Variants in MAB21L1 observed in about 807,000 individuals in gnomAD.
MAB21L1 encodes putative nucleotidyltransferase MAB21L1.
Under a neutral mutation model 28.9 loss-of-function variants are expected in MAB21L1, and 8 were observed. The ratio of observed to expected loss-of-function variants is 0.28; its 90% CI spans 0.16 to 0.50. MAB21L1 has a LOEUF of 0.50. Among genes scored for constraint, MAB21L1 ranks in the 20% least tolerant of loss-of-function variants. The pLI is 0.98. For missense variants in MAB21L1, 388 were observed against 466.5 expected (o/e 0.83, Z 1.55); for synonymous variants, 219 against 198.2 (o/e 1.10, Z -0.88).
chr13:35,475,345 G>C lies in MAB21L1; in HGVS notation c.794C>G (p.Pro265Arg). The change falls in exon 1 of 1, where the codon CCG (proline) becomes CGG (arginine). Residue 265 changes from proline (P) to arginine (R), a missense_variant. By Grantham distance (103) the Pro-to-Arg change is moderately radical. This residue lies in a region of MAB21L1 where 218 missense variants were observed against 220.6 expected (regional missense o/e 0.99). Transcript: ENST00000379919. The part of the protein sequence containing the change: ...KTLRDRHLEL[P>R]GQPLNNYHMK... ...ATGGTAATTGTTCAAGGGCTGGCCC[G>C]GCAGTTCAAGGTGACGATCCCTTAA... is the stretch of plus-strand genomic sequence containing the variant. 6.2e-7 allele frequency: 1 copy of C among 1,613,964 alleles called. No homozygotes were observed. Among genetic ancestry groups the C allele is most frequent in the Non-Finnish European group, 8.5e-7 (1 of 1,179,994 alleles).
Position 35,474,902 on chromosome 13 carries a change from G to T in MAB21L1, c.*157C>A, listed in dbSNP as rs754812077. On this transcript the variant is annotated 3_prime_UTR_variant, in exon 1 of 1. Coordinates refer to ENST00000379919, the MANE Select transcript of MAB21L1 (RefSeq NM_005584.5). ...CCCCTACTTTTTCTCCCCTTGTGGG[G>T]GTGGGTGAGATGATGTTTAAATATT... is the stretch of plus-strand genomic sequence containing the variant. 22 of 918,172 alleles carry T rather than the reference G, an allele frequency of 2.4e-5. No homozygotes were observed. Among genetic ancestry groups the T allele is most frequent in the Non-Finnish European group, 3.4e-5 (21 of 620,350 alleles). The allele number at this position is 918,172 out of a possible 1,614,324, so 56.9% of individuals were successfully genotyped here.
At position 35,474,322 on chromosome 13, in the gene MAB21L1, G is replaced by T. The variant is rs1295128561; in HGVS notation, c.*737C>A. 1 of 152,496 alleles carries T rather than the reference G, an allele frequency of 6.6e-6. No homozygotes were observed. The highest frequency in any genetic ancestry group is 6.5e-5 in the Admixed American group (1 of 15,274). 9.4% of individuals were successfully genotyped at this position (152,496 alleles called of 1,614,324 possible). ...GTGCATTTTTCAAATATATAATTCAGATATTCAAGCGTTATTATATAAGCT... is the reference window on the plus strand; with the variant it reads ...GTGCATTTTTCAAATATATAATTCATATATTCAAGCGTTATTATATAAGCT... On this transcript the variant is annotated 3_prime_UTR_variant, in exon 1 of 1. Transcript: ENST00000379919.
Position 35,476,333 on chromosome 13 carries a change from C to T in MAB21L1, c.-195G>A, listed in dbSNP as rs1335833851. ...GCTGCTGCTGCTGCTGCTGCTGCTG[C>T]TGCTGCTGCTGCTGCTGCTGCTTTT... On this transcript the variant is annotated 5_prime_UTR_variant, in exon 1 of 1. Coordinates refer to ENST00000379919, the MANE Select transcript of MAB21L1 (RefSeq NM_005584.5). The T allele has an allele frequency of 8.1e-7, 1 of 1,229,386 alleles. No individual in the cohort carries two copies. The highest frequency in any genetic ancestry group is 1.2e-6 in the Non-Finnish European group (1 of 862,048). The allele number at this position is 1,229,386 out of a possible 1,614,324, so 76.2% of individuals were successfully genotyped here.
chr13:35,474,458 AC>A lies in MAB21L1; in HGVS notation c.*600del, dbSNP rs2152960211. 1 of 152,820 alleles carries A rather than the reference AC, an allele frequency of 6.5e-6. No homozygotes were observed. Among genetic ancestry groups the A allele is most frequent in the African/African-American group, 2.4e-5 (1 of 41,594 alleles). 9.5% of individuals were successfully genotyped at this position (152,820 alleles called of 1,614,324 possible). A position where few individuals can be genotyped will look rare whatever the true frequency, so the allele number is the denominator to read the frequency against. ...AAAATGTAAACTTTTTAAAGTTCAG[AC>A]ACTTTCAAAGACAGATAAAAGTACC... is the stretch of plus-strand genomic sequence containing the variant. On this transcript the variant is annotated 3_prime_UTR_variant, in exon 1 of 1. Coordinates refer to ENST00000379919, the MANE Select transcript of MAB21L1 (RefSeq NM_005584.5).
chr13:35,475,082 G>T lies in MAB21L1; in HGVS notation c.1057C>A (p.Pro353Thr). Residue 353 changes from proline (P) to threonine (T), a missense_variant, in exon 1 of 1, where the codon CCG (proline) becomes ACG (threonine). Physicochemically the swap from Pro to Thr is conservative, Grantham distance 38 (BLOSUM62 -1). This residue lies in a region of MAB21L1 where 218 missense variants were observed against 220.6 expected (regional missense o/e 0.99). Transcript: ENST00000379919. ...CTCTAAAGTTTTTCCAAACTTTTCG[G>T]GTTGGTCAGGATCTCTCTTGCCAGT... ...WRLAREILTNPKSLEKL is the reference protein window; with the variant it reads ...WRLAREILTNTKSLEKL The T allele has an allele frequency of 6.2e-7, 1 of 1,612,878 alleles. No individual in the cohort carries two copies. Among genetic ancestry groups the T allele is most frequent in the Non-Finnish European group, 8.5e-7 (1 of 1,179,316 alleles).
Position 35,475,460 on chromosome 13 carries a change from T to C in MAB21L1, c.679A>G (p.Ser227Gly), listed in dbSNP as rs1463841456. The change falls in exon 1 of 1, where the codon AGC (serine) becomes GGC (glycine). Residue 227 changes from serine to glycine, a missense_variant. This residue lies in a region of MAB21L1 where 218 missense variants were observed against 220.6 expected (regional missense o/e 0.99). Transcript: ENST00000379919. ...SLAGKQSSAE[S>G]DAWVLQFAEA... The stretch of plus-strand genomic sequence containing the variant: ...GCGAACTGCAGCACCCAGGCGTCGC[T>C]CTCCGCCGAGCTCTGCTTGCCGGCC... The C allele has an allele frequency of 6.2e-7, 1 of 1,612,160 alleles. No homozygotes were observed. Among genetic ancestry groups the C allele is most frequent in the Non-Finnish European group, 8.5e-7 (1 of 1,179,792 alleles).
rs754543999 is a variant in MAB21L1 at position 35,475,184 on chromosome 13, A to C, written c.955T>G (p.Tyr319Asp). ...AACAGATCTAAGTTCGGTAGAAAGT[A>C]GTGGGGACACCGCCGGCACTGCAGG... is the stretch of plus-strand genomic sequence containing the variant. The part of the protein sequence containing the change: ...SCLQCRRCPH[Y>D]FLPNLDLFQG... Residue 319 changes from tyrosine (Y) to aspartate (D), a missense_variant, in exon 1 of 1, where the codon TAC (tyrosine) becomes GAC (aspartate). Physicochemically the swap from Tyr to Asp is radical, Grantham distance 160 (BLOSUM62 -3). Around this residue, in one of 3 missense-constraint regions of MAB21L1, gnomAD observed 218 missense variants for 220.6 expected, o/e 0.99. Transcript: ENST00000379919. 6.2e-7 allele frequency: 1 copy of C among 1,614,054 alleles called. No homozygotes were observed. Among genetic ancestry groups the C allele is most frequent in the Non-Finnish European group, 8.5e-7 (1 of 1,180,018 alleles).
rs1056127463 is a variant in MAB21L1 at position 35,475,785 on chromosome 13, G to A, written c.354C>T (p.Thr118=). Reference sequence around the variant, plus strand: ...TGCGCGCCGAGAGGTAGCCGGAGGCGGTAATGAATTCCACCCAGAGGGACA... The same window carrying A: ...TGCGCGCCGAGAGGTAGCCGGAGGCAGTAATGAATTCCACCCAGAGGGACA... ...RSMSLWVEFI[T]ASGYLSARKI... Residue 118 remains threonine (T), a synonymous_variant, in exon 1 of 1, where the codon ACC becomes ACT. Coordinates refer to ENST00000379919, the MANE Select transcript of MAB21L1 (RefSeq NM_005584.5). 25 of 1,613,750 alleles carry A rather than the reference G, an allele frequency of 1.5e-5. No homozygotes were observed. In the Admixed American group the frequency reaches 1.8e-4, roughly 12 times the overall value.
In MAB21L1 at chr13:35,474,043, C is replaced by A. The variant is rs2075761932; in HGVS notation, c.*1016G>T. ...TTAGAGACTGAGAGTAGATTGTTAT[C>A]TTATGGACCTATACAGAAAGAGCTT... is the stretch of plus-strand genomic sequence containing the variant. On this transcript the variant is annotated 3_prime_UTR_variant, in exon 1 of 1. Transcript: ENST00000379919. 6.6e-6 allele frequency: 1 copy of A among 152,014 alleles called. No homozygotes were observed. The highest frequency in any genetic ancestry group is 2.1e-4 in the South Asian group (1 of 4,808). The allele number at this position is 152,014 out of a possible 1,614,324, so 9.4% of individuals were successfully genotyped here. A position where few individuals can be genotyped will look rare whatever the true frequency, so the allele number is the denominator to read the frequency against.
rs1594754181 is a variant in MAB21L1, at chr13:35,474,092, G to A, written c.*967C>T. ...TTTTCTCCAATGTTTTATTTTTAAGGATTTCATTAGCATATTTCTCAAAAT... is the reference window on the plus strand; with the variant it reads ...TTTTCTCCAATGTTTTATTTTTAAGAATTTCATTAGCATATTTCTCAAAAT... On this transcript the variant is annotated 3_prime_UTR_variant, in exon 1 of 1. Coordinates refer to ENST00000379919, the MANE Select transcript of MAB21L1 (RefSeq NM_005584.5). 1 of 152,204 alleles carries A rather than the reference G, an allele frequency of 6.6e-6. No individual in the cohort carries two copies. The allele number at this position is 152,204 out of a possible 1,614,324, so 9.4% of individuals were successfully genotyped here.
Position 35,475,061 on chromosome 13 carries a change from A to G in MAB21L1, c.1078T>C (p.Ter360GlnextTer4), listed in dbSNP as rs1355089267. ...TCGGCTCTTGATTAAATCATCCTCTAAAGTTTTTCCAAACTTTTCGGGTTG... is the reference window on the plus strand; with the variant it reads ...TCGGCTCTTGATTAAATCATCCTCTGAAGTTTTTCCAAACTTTTCGGGTTG... Reference protein sequence around the residue: ...LTNPKSLEKL* With the variant: ...LTNPKSLEKLQ The change falls in exon 1 of 1, where the codon TAG becomes CAG. Residue 360 changes from the stop codon to glutamine, a stop_lost. Transcript: ENST00000379919. The G allele has an allele frequency of 1.9e-6, 3 of 1,611,198 alleles. No individual in the cohort carries two copies. The highest frequency in any genetic ancestry group is 1.7e-5 in the Admixed American group (1 of 59,722).
In MAB21L1 at chr13:35,474,449, A is replaced by C. The variant is rs188517921; in HGVS notation, c.*610T>G. The C allele has an allele frequency of 1.8e-4, 28 of 152,814 alleles. No individual in the cohort carries two copies. The highest frequency in any genetic ancestry group is 3.3e-4 in the Admixed American group (5 of 15,310). The allele number at this position is 152,814 out of a possible 1,614,324, so 9.5% of individuals were successfully genotyped here. ...ATTTGAAACAAAATGTAAACTTTTT[A>C]AAGTTCAGACACTTTCAAAGACAGA... On this transcript the variant is annotated 3_prime_UTR_variant, in exon 1 of 1. Transcript: ENST00000379919.
Position 35,476,166 on chromosome 13 carries a change from C to T in MAB21L1, c.-28G>A. ...TGGGGCAGAGATCCGGATTGTACACCGGAGTCTCGCAGTAAGCTGTGGGAT... is the reference window on the plus strand; with the variant it reads ...TGGGGCAGAGATCCGGATTGTACACTGGAGTCTCGCAGTAAGCTGTGGGAT... On this transcript the variant is annotated 5_prime_UTR_variant, in exon 1 of 1. Transcript: ENST00000379919. 1 of 1,612,226 alleles carries T rather than the reference C, an allele frequency of 6.2e-7. No homozygotes were observed. Among genetic ancestry groups the T allele is most frequent in the Non-Finnish European group, 8.5e-7 (1 of 1,178,574 alleles).
Position 35,475,953 on chromosome 13 carries a change from G to A in MAB21L1, c.186C>T (p.Arg62=). ...GGGAGATGACCTCGAGGCCCTCGTA[G>A]CGATTGTCCATCTCGTTGAGAGAGC... ...FISSLNEMDN[R]YEGLEVISPT... Residue 62 remains arginine (R), a synonymous_variant, in exon 1 of 1, where the codon CGC becomes CGT. Transcript: ENST00000379919. 1 of 1,614,176 alleles carries A rather than the reference G, an allele frequency of 6.2e-7. No individual in the cohort carries two copies. The highest frequency in any genetic ancestry group is 8.5e-7 in the Non-Finnish European group (1 of 1,180,038).
In MAB21L1 at chr13:35,476,283, CAG is replaced by C. The variant is rs2075860763; in HGVS notation, c.-147_-146del. ...TCAAAAATGCCTTTCGGAAGTGCTG[CAG>C]CGTTGGTTTCCCTGCTGCTGCTGCT... is the stretch of plus-strand genomic sequence containing the variant. On this transcript the variant is annotated 5_prime_UTR_variant, in exon 1 of 1. Coordinates refer to ENST00000379919, the MANE Select transcript of MAB21L1 (RefSeq NM_005584.5). 7.4e-7 allele frequency: 1 copy of C among 1,356,934 alleles called. No individual in the cohort carries two copies. Among genetic ancestry groups the C allele is most frequent in the Non-Finnish European group, 1.0e-6 (1 of 971,734 alleles). 84.1% of individuals were successfully genotyped at this position (1,356,934 alleles called of 1,614,324 possible).
Position 35,476,302 on chromosome 13 carries a change from GCTGCTGC to G in MAB21L1, c.-171_-165del. The G allele has an allele frequency of 3.3e-5, 14 of 429,424 alleles. No individual in the cohort carries two copies. The highest frequency in any genetic ancestry group is 1.8e-4 in the African/African-American group (4 of 21,956). The allele number at this position is 429,424 out of a possible 1,614,324, so 26.6% of individuals were successfully genotyped here. On this transcript the variant is annotated 5_prime_UTR_variant, in exon 1 of 1. Coordinates refer to ENST00000379919, the MANE Select transcript of MAB21L1 (RefSeq NM_005584.5). The stretch of plus-strand genomic sequence containing the variant: ...GTGCTGCAGCGTTGGTTTCCCTGCT[GCTGCTGC>G]TGCTGCTGCTGCTGCTGCTGCTGCT...
In MAB21L1 at chr13:35,476,370, A is replaced by G. The variant is rs574452444; in HGVS notation, c.-232T>C. 7 of 1,135,140 alleles carry G rather than the reference A, an allele frequency of 6.2e-6. No individual in the cohort carries two copies. Among genetic ancestry groups the G allele is most frequent in the African/African-American group, 1.6e-5 (1 of 61,486 alleles). The allele number at this position is 1,135,140 out of a possible 1,614,324, so 70.3% of individuals were successfully genotyped here. A position where few individuals can be genotyped will look rare whatever the true frequency, so the allele number is the denominator to read the frequency against. Reference sequence around the variant, plus strand: ...CTGCTGCTGCTTTTCCCTTCCTTTTATCTTTGAGCCCAGCCGTTCTTAAAG... The same window carrying G: ...CTGCTGCTGCTTTTCCCTTCCTTTTGTCTTTGAGCCCAGCCGTTCTTAAAG... On this transcript the variant is annotated 5_prime_UTR_variant, in exon 1 of 1. Transcript: ENST00000379919.
In MAB21L1 at chr13:35,475,533, C is replaced by T. The variant is rs143553010; in HGVS notation, c.606G>A (p.Glu202=). ...AGAGATTGAAACCTTCCGCCTTGAC[C>T]TCCGCCACCCGGTTGGGTCCCGGCC... is the stretch of plus-strand genomic sequence containing the variant. ...IPWPGPNRVA[E]VKAEGFNLLS... Residue 202 remains glutamate (E), a synonymous_variant, in exon 1 of 1, where the codon GAG becomes GAA. Coordinates refer to ENST00000379919, the MANE Select transcript of MAB21L1 (RefSeq NM_005584.5). 109 of 1,613,090 alleles carry T rather than the reference C, an allele frequency of 6.8e-5. No homozygotes were observed. The African/African-American group carries it at 1.4e-3, about 20-fold the overall frequency.
At position 35,473,807 on chromosome 13, in the gene MAB21L1, G is replaced by A. The variant is rs1020386724; in HGVS notation, c.*1252C>T. ...TAAAATATATTGGTCAGAAAGGATC[G>A]TTTTATTAGTTTTCATACATAATTT... On this transcript the variant is annotated 3_prime_UTR_variant, in exon 1 of 1. Transcript: ENST00000379919. Among the ~76,000 whole-genome samples the A allele has an allele frequency of 6.6e-6, 1 of 152,044 alleles. No individual in the cohort carries two copies. The highest frequency in any genetic ancestry group is 2.4e-5 in the African/African-American group (1 of 41,422).
Sources: gnomAD v4.1 joint callset for allele counts (sites outside exome capture counted in the v4.1 genomes callset) on GRCh38, gnomAD v4.1.1 for gene constraint, gnomAD v4.1.1 regional missense constraint, MANE v1.5 for transcripts, NCBI Gene and HGNC (gene_info 2026-07-23, HGNC 2026-07-21) for gene names.